The following SCARA5 variants were observed in gnomAD, a reference collection of about 807,000 sequenced individuals.
The protein encoded by SCARA5 is scavenger receptor class A member 5, also known as scavenger receptor class A, member 5 (putative).
In SCARA5, 45 loss-of-function variants were observed where a neutral mutation model predicts 46.3. That is an observed-to-expected ratio of 0.97 (90% CI 0.76 to 1.24). The LOEUF is 1.24. Among genes scored for constraint, SCARA5 ranks in the 50% most tolerant of loss-of-function variants. The pLI is 0.00. For missense variants in SCARA5, 680 were observed against 689.0 expected, an observed-to-expected ratio of 0.99 and a Z score of 0.15; for synonymous variants, 333 against 306.5, an observed-to-expected ratio of 1.09 and a Z score of -0.90.
chr8:27,954,524 T>C (rs1808178062), intron 3 of SCARA5, among the ~76,000 whole-genome samples: 1 of 152,222 alleles, frequency 6.6e-6, no homozygotes, highest in Admixed American at 6.5e-5. Context: ...CACTCTCTCA[T>C]GTATGTCATA....
chr8:27,900,521 A>G (rs1807134166), intron 7 of SCARA5, among the ~76,000 whole-genome samples: 1 of 152,236 alleles, frequency 6.6e-6, no homozygotes, highest in Non-Finnish European at 1.5e-5. Flanking sequence ...GCTCTAAGCC[A>G]TGAATGATAA....
At chr8:27,907,075 G>T in intron 6 of SCARA5, 73 bp downstream of exon 6, 1 of 1,034,152 alleles carries the variant, frequency 9.7e-7, no homozygotes, top group Non-Finnish European at 1.5e-6. Context: ...AAGAGTCCTG[G>T]TCCCCCATGC....
At chr8:27,971,987 G>C (rs182339600) in intron 2 of SCARA5, among the ~76,000 whole-genome samples, 7 of 152,156 alleles carry the variant, frequency 4.6e-5, no homozygotes, top group Non-Finnish European at 7.4e-5. Flanking sequence ...CTTTATCATC[G>C]TAAGTGGAAA....
chr8:27,874,461 G>A (rs1181434127), intron 8 of SCARA5, among the ~76,000 whole-genome samples: 1 of 152,200 alleles, frequency 6.6e-6, no homozygotes, highest in Admixed American at 6.5e-5. Flanking sequence ...AGCCAGGTCT[G>A]GCCAATGCCT....
At chr8:27,978,021 TTTG>T (rs1169721508) in intron 2 of SCARA5, among the ~76,000 whole-genome samples, 11 of 140,580 alleles carry the variant, frequency 7.8e-5, no homozygotes, top group African/African-American at 2.5e-4. Context: ...TCTTGTGTCT[TTTG>T]TTTTTTTTTT....
At chr8:27,983,385 C>T (rs1808653548) in intron 2 of SCARA5, among the ~76,000 whole-genome samples, 1 of 152,186 alleles carries the variant, frequency 6.6e-6, no homozygotes, top group Admixed American at 6.5e-5. Context: ...AGGCTTAAGG[C>T]AGATTCTGCA....
At position 27,870,355 on chromosome 8, in the gene SCARA5, T is replaced by C. The variant is rs1056980519; in HGVS notation, c.*1579A>G. The C allele has an allele frequency of 6.6e-6, 1 of 152,500 alleles. No individual in the cohort carries two copies. The highest frequency in any genetic ancestry group is 1.5e-5 in the Non-Finnish European group (1 of 68,018). 9.4% of individuals were successfully genotyped at this position (152,500 alleles called of 1,614,324 possible). On this transcript the variant is annotated 3_prime_UTR_variant, in exon 9 of 9. Transcript: ENST00000354914. ...TGAGTACATGCGTGTTATGTAAACATAGCAATTGGTCAGAAAGAGAGTTTC... is the reference window on the plus strand; with the variant it reads ...TGAGTACATGCGTGTTATGTAAACACAGCAATTGGTCAGAAAGAGAGTTTC...
At chr8:27,967,553 C>T (rs1808388357) in intron 2 of SCARA5, among the ~76,000 whole-genome samples, 1 of 152,116 alleles carries the variant, frequency 6.6e-6, no homozygotes, top group South Asian at 2.1e-4. Context: ...ATGCTTATCC[C>T]TTTAATGCTT....
intron 3 of SCARA5, among the ~76,000 whole-genome samples, chr8:27,956,894 A>G (rs572055507): frequency 6.6e-6 from 1 of 152,356 alleles, no homozygotes; most frequent in African/African-American, 2.4e-5. Context: ...GGACTGTCAC[A>G]GAAATTCCCA....
chr8:27,992,094 C>T (rs551890611), intron 1 of SCARA5, among the ~76,000 whole-genome samples, 163 bp downstream of exon 1: 20 of 152,132 alleles, frequency 1.3e-4, no homozygotes, highest in Non-Finnish European at 2.5e-4. Context: ...ATCTGCGGGC[C>T]CAGCAGGCGG....
intron 3 of SCARA5, among the ~76,000 whole-genome samples, chr8:27,960,385 C>A (rs1808276234): frequency 6.6e-6 from 1 of 152,090 alleles, no homozygotes; most frequent in African/African-American, 2.4e-5. Context: ...CTATGTTGCC[C>A]AAACTCATCT....
chr8:27,913,471 C>G (rs1025068484), intron 4 of SCARA5, among the ~76,000 whole-genome samples: 4 of 152,222 alleles, frequency 2.6e-5, no homozygotes, highest in Non-Finnish European at 4.4e-5. Context: ...GAAACCCAAG[C>G]TGGAAATCTT....
chr8:27,900,613 T>A (rs1447668397), intron 7 of SCARA5, among the ~76,000 whole-genome samples: 1 of 152,154 alleles, frequency 6.6e-6, no homozygotes, highest in Non-Finnish European at 1.5e-5. Context: ...TGAGAAAGAT[T>A]TTTTAAACAA....
At chr8:27,936,536 C>A (rs1807859749) in intron 3 of SCARA5, among the ~76,000 whole-genome samples, 1 of 143,788 alleles carries the variant, frequency 7.0e-6, no homozygotes, top group Non-Finnish European at 1.5e-5. Context: ...TTGCAGTGAG[C>A]CGAGATCACA....
At chr8:27,901,684 C>G (rs766052175) in intron 7 of SCARA5, among the ~76,000 whole-genome samples, 3 of 152,134 alleles carry the variant, frequency 2.0e-5, no homozygotes, top group Non-Finnish European at 4.4e-5. Flanking sequence ...GGGAAGACAC[C>G]CCGCAATGGG....
At chr8:27,905,761 A>G (rs1331089885) in intron 6 of SCARA5, among the ~76,000 whole-genome samples, 1 of 125,708 alleles carries the variant, frequency 8.0e-6, no homozygotes, top group Non-Finnish European at 1.6e-5. Context: ...CCCAGGCGGG[A>G]GTGCAGTGGT....
intron 7 of SCARA5, among the ~76,000 whole-genome samples, chr8:27,898,107 C>T (rs143147906): frequency 3.9e-5 from 6 of 152,238 alleles, no homozygotes; most frequent in Admixed American, 3.9e-4. Context: ...GACTCGCAGG[C>T]GCCTCTGCAC....
chr8:27,932,134 C>T (rs778127616), intron 3 of SCARA5, among the ~76,000 whole-genome samples: 3 of 152,112 alleles, frequency 2.0e-5, no homozygotes, highest in African/African-American at 2.4e-5. Context: ...CGTGCACCAC[C>T]ACACCCAGCT....
chr8:27,938,392 C>T (rs1487074411), intron 3 of SCARA5, among the ~76,000 whole-genome samples: 2 of 152,046 alleles, frequency 1.3e-5, no homozygotes, highest in African/African-American at 4.8e-5. Context: ...TCCATACTTT[C>T]ATGGGGTTTG....
Sources: allele counts gnomAD v4.1 joint callset (sites outside exome capture counted in the v4.1 genomes callset), GRCh38; gene constraint gnomAD v4.1.1; transcripts MANE v1.5; gene names NCBI Gene and HGNC (gene_info 2026-07-23, HGNC 2026-07-21).